The following MAST2 variants were observed in gnomAD, a reference collection of about 807,000 sequenced individuals.
The protein encoded by MAST2 is microtubule associated serine/threonine kinase 2.
A neutral mutation model predicts 147.4 loss-of-function variants in MAST2; 70 were observed. That is an observed-to-expected ratio of 0.47 (90% CI 0.39 to 0.58). The LOEUF (loss-of-function observed/expected upper bound fraction) is 0.58. Ranked by LOEUF, MAST2 falls within the 20% of genes least tolerant of loss-of-function variation. The probability of loss-of-function intolerance (pLI) is 0.00; values close to 1 mark genes in which losing one functional copy is unlikely to be tolerated. For synonymous variants in MAST2, 869 were observed against 896.8 expected, an observed-to-expected ratio of 0.97 and a Z score of 0.55; for missense variants, 2,080 against 2,302.3, an observed-to-expected ratio of 0.90 and a Z score of 1.98.
At chr1:46,019,758 C>A in intron 11 of MAST2, 61 bp downstream of exon 11, 1 of 1,410,246 alleles carries the variant, frequency 7.1e-7, no homozygotes, top group East Asian at 2.3e-5. Flanking sequence ...GAGGAAGTAT[C>A]CTGATGACAG....
At chr1:45,975,634 T>A (rs1018876161) in intron 5 of MAST2, among the ~76,000 whole-genome samples, 1 of 148,434 alleles carries the variant, frequency 6.7e-6, no homozygotes, top group East Asian at 2.0e-4. Context: ...GTCACGCCAC[T>A]GCACTGCTCT....
At chr1:45,812,627 T>C (rs1557794266) in intron 1 of MAST2, among the ~76,000 whole-genome samples, 1 of 152,082 alleles carries the variant, frequency 6.6e-6, no homozygotes, top group East Asian at 1.9e-4. Context: ...GGTTTCTCCA[T>C]GTTGGTCAGG....
At chr1:45,947,318 A>AC (rs1553241494) in intron 4 of MAST2, among the ~76,000 whole-genome samples, 4 of 142,394 alleles carry the variant, frequency 2.8e-5, no homozygotes, top group Non-Finnish European at 6.2e-5. Context: ...AAAAAAAAAA[A>AC]AAAAAAAAAA....
chr1:45,820,478 T>C (rs530708529), intron 1 of MAST2, among the ~76,000 whole-genome samples: 2 of 152,356 alleles, frequency 1.3e-5, no homozygotes, highest in African/African-American at 4.8e-5. Context: ...GTTTAACTTC[T>C]GTAGTATACA....
chr1:45,861,806 TCTC>T (rs1281583158), intron 3 of MAST2, among the ~76,000 whole-genome samples: 1 of 152,148 alleles, frequency 6.6e-6, no homozygotes, highest in African/African-American at 2.4e-5. Flanking sequence ...TATTTCCTCA[TCTC>T]CTACCCACTG....
At chr1:45,970,974 G>A (rs1643893979) in intron 5 of MAST2, among the ~76,000 whole-genome samples, 1 of 151,944 alleles carries the variant, frequency 6.6e-6, no homozygotes, top group Non-Finnish European at 1.5e-5. Context: ...TTTCTTATTG[G>A]TGAATATTGC....
intron 3 of MAST2, among the ~76,000 whole-genome samples, chr1:45,862,967 A>G (rs1056663129): frequency 6.6e-6 from 1 of 152,156 alleles, no homozygotes; most frequent in Non-Finnish European, 1.5e-5. Flanking sequence ...CTCATGTGTC[A>G]TAATTACTTG....
At chr1:45,891,692 A>C (rs1488464794) in intron 4 of MAST2, among the ~76,000 whole-genome samples, 2 of 151,848 alleles carry the variant, frequency 1.3e-5, no homozygotes. Context: ...TTTTCATCTA[A>C]AATAATTTGA....
At chr1:45,972,065 A>G (rs113161252) in intron 5 of MAST2, among the ~76,000 whole-genome samples, 1 of 152,214 alleles carries the variant, frequency 6.6e-6, no homozygotes, top group Non-Finnish European at 1.5e-5. Context: ...TCCAGCTGCC[A>G]ATTCCAGGTG....
Position 46,034,085 on chromosome 1 carries a change from C to T in MAST2, c.3687C>T (p.Ser1229=), listed in dbSNP as rs376796033. ...GKDGQESRKR[S]SLFRKITKQA... ...CTTATCCCCGCAGCAGAAAAAGGAG[C>T]TCCCTGTTCCGCAAGATCACCAAGC... The change falls in exon 28 of 29, where the codon AGC becomes AGT. Residue 1229 remains serine (S), a synonymous_variant. Transcript: ENST00000361297. The T allele has an allele frequency of 1.5e-5, 24 of 1,613,116 alleles. No individual in the cohort carries two copies. The highest frequency in any genetic ancestry group is 1.9e-5 in the Non-Finnish European group (23 of 1,179,516).
chr1:45,845,982 G>A (rs1185878528), intron 3 of MAST2, among the ~76,000 whole-genome samples: 10 of 152,082 alleles, frequency 6.6e-5, no homozygotes, highest in African/African-American at 2.4e-4. Context: ...GGGTGGTCTC[G>A]AACTCCTGAC....
intron 5 of MAST2, among the ~76,000 whole-genome samples, chr1:45,967,928 G>A (rs1445485034): frequency 6.6e-6 from 1 of 152,164 alleles, no homozygotes; most frequent in Non-Finnish European, 1.5e-5. Flanking sequence ...GTGTACGTGT[G>A]TGCATAATGT....
At chr1:45,832,305 CTTT>C (rs758899496) in intron 3 of MAST2, among the ~76,000 whole-genome samples, 2 of 143,682 alleles carry the variant, frequency 1.4e-5, no homozygotes. Context: ...TTCTTTCTTT[CTTT>C]TTTTTTTTTT....
chr1:45,955,278 C>T (rs932692767), intron 4 of MAST2, among the ~76,000 whole-genome samples: 4 of 152,130 alleles, frequency 2.6e-5, no homozygotes, highest in African/African-American at 4.8e-5. Flanking sequence ...AAAGAGCATA[C>T]ATAATATTCG....
chr1:45,813,291 A>T (rs1360327399), intron 1 of MAST2, among the ~76,000 whole-genome samples: 2 of 152,120 alleles, frequency 1.3e-5, no homozygotes, highest in African/African-American at 4.8e-5. Context: ...TCAATGATGG[A>T]TGACATACAA....
At chr1:45,845,080 G>A (rs1375826391) in intron 3 of MAST2, among the ~76,000 whole-genome samples, 2 of 152,032 alleles carry the variant, frequency 1.3e-5, no homozygotes, top group African/African-American at 4.8e-5. Context: ...CTGTTGCATT[G>A]GAAATTAAAT....
intron 5 of MAST2, among the ~76,000 whole-genome samples, chr1:45,969,107 A>G (rs1213240241): frequency 6.6e-6 from 1 of 152,150 alleles, no homozygotes; most frequent in African/African-American, 2.4e-5. Flanking sequence ...TTTTCCCATT[A>G]AAGTGCTTAG....
In MAST2 at chr1:46,030,657, A is replaced by AC; in HGVS notation, c.2609dup (p.Thr871AspfsTer7). On this transcript the variant is annotated frameshift_variant, in exon 22 of 29. Transcript: ENST00000361297. LOFTEE classifies it high-confidence loss of function. ...CACTGCTCGAGGAGCGCCGGACACC[A>AC]CCCCCGACCAAGCGCAGCCTGAGTG... 6.2e-7 allele frequency: 1 copy of AC among 1,611,414 alleles called. No individual in the cohort carries two copies. Among genetic ancestry groups the AC allele is most frequent in the Non-Finnish European group, 8.5e-7 (1 of 1,179,188 alleles).
intron 15 of MAST2, chr1:46,024,469 C>G (rs1373869227): frequency 2.7e-5 from 5 of 182,136 alleles, no homozygotes; most frequent in Admixed American, 1.1e-4. Context: ...GCAGCTTTGC[C>G]AGTTTCCCTT....
Sources: allele counts gnomAD v4.1 joint callset (sites outside exome capture counted in the v4.1 genomes callset), GRCh38; gene constraint gnomAD v4.1.1; transcripts MANE v1.5; gene names NCBI Gene and HGNC (gene_info 2026-07-23, HGNC 2026-07-21).